Variants in CELF2 observed in about 807,000 individuals in gnomAD.
The protein encoded by CELF2 is CUGBP Elav-like family member 2, also known as CUG triplet repeat RNA-binding protein 2.
CELF2 carries 8 observed loss-of-function variants against 62.6 expected under a neutral mutation model. The ratio of observed to expected loss-of-function variants is 0.13; its 90% CI spans 0.07 to 0.23. The LOEUF (loss-of-function observed/expected upper bound fraction) is 0.23. Ranked by LOEUF, CELF2 falls within the 10% of genes least tolerant of loss-of-function variation. The pLI, the probability that CELF2 is intolerant of heterozygous loss-of-function variation, is 1.00. For missense variants in CELF2, 333 were observed against 671.0 expected (o/e 0.50, Z 5.56); for synonymous variants, 258 against 250.0 (o/e 1.03, Z -0.30).
chr10:10,524,470 T>G, the CELF2 span, among the ~76,000 whole-genome samples: 1 of 150,928 alleles, frequency 6.6e-6, no homozygotes, highest in Non-Finnish European at 1.5e-5. Context: ...TAACATAGGA[T>G]TGAGTTATGG....
the CELF2 span, among the ~76,000 whole-genome samples, chr10:10,642,514 A>C: frequency 6.6e-6 from 1 of 152,248 alleles, no homozygotes. Flanking sequence ...TGTTTATTGA[A>C]ATGCAAATGA....
intron 1 of CELF2, among the ~76,000 whole-genome samples, chr10:10,803,193 CAT>C (rs2054846871): frequency 6.6e-6 from 1 of 152,206 alleles, no homozygotes; most frequent in African/African-American, 2.4e-5. Context: ...CAATTTTGCA[CAT>C]AGAGGAATGA....
At chr10:10,600,867 C>T in the CELF2 span, among the ~76,000 whole-genome samples, 1 of 152,182 alleles carries the variant, frequency 6.6e-6, no homozygotes, top group African/African-American at 2.4e-5. Context: ...GAAATAGGCA[C>T]TATTTACTCC....
the CELF2 span, among the ~76,000 whole-genome samples, chr10:10,640,323 G>A: frequency 2.2e-3 from 331 of 152,222 alleles, 2 homozygotes; most frequent in African/African-American, 7.6e-3. Flanking sequence ...CTTCTCCTCT[G>A]CCTTTTTCAT....
chr10:11,251,691 AG>A (rs771437131), intron 4 of CELF2, among the ~76,000 whole-genome samples: 33 of 152,280 alleles, frequency 2.2e-4, no homozygotes, highest in East Asian at 1.2e-3. Flanking sequence ...CAGCTGTGAG[AG>A]GGGGCTACAG....
chr10:10,511,288 G>A, the CELF2 span, among the ~76,000 whole-genome samples: 1 of 152,082 alleles, frequency 6.6e-6, no homozygotes, highest in East Asian at 1.9e-4. Flanking sequence ...GTGGTCACCT[G>A]TAATCCCAGC....
At position 11,157,393 on chromosome 10, in the gene CELF2, C is replaced by CCG. The variant is rs2064726758; in HGVS notation, c.75-8093_75-8092insCG. Among the ~76,000 whole-genome samples, 1 of 123,528 alleles carries CCG rather than the reference C, an allele frequency of 8.1e-6. No individual in the cohort carries two copies. The highest frequency in any genetic ancestry group is 3.1e-5 in the African/African-American group (1 of 32,512). 81.0% of individuals were successfully genotyped at this position (123,528 alleles called of 152,430 possible). A position where few individuals can be genotyped will look rare whatever the true frequency, so the allele number is the denominator to read the frequency against. On this transcript the variant is annotated intron_variant, in intron 1 of 12. Coordinates refer to ENST00000633077, the MANE Select transcript of CELF2 (RefSeq NM_001326342.2). The surrounding 1 kb of genome is among the most constrained non-coding windows in gnomAD (Gnocchi z 4.9). ...TTGACTTTGATATCCGCCCTCCCCC[C>CCG]ACACACACACACACAAAAATTTCAC...
At chr10:11,148,420 C>T (rs2062672584) in intron 1 of CELF2, among the ~76,000 whole-genome samples, 1 of 152,140 alleles carries the variant, frequency 6.6e-6, no homozygotes, top group South Asian at 2.1e-4. Flanking sequence ...GCCCAATATG[C>T]TTTTTTCTCC....
Position 11,316,230 on chromosome 10 carries a change from C to A in CELF2, c.1096+1972C>A, listed in dbSNP as rs977051990. The stretch of plus-strand genomic sequence containing the variant: ...TCTTTGCCAATGGGTTAATATAAGT[C>A]TGTATAGTTCATAGAAAACGAAGAA... On this transcript the variant is annotated intron_variant, in intron 10 of 12. Transcript: ENST00000633077. This position sits in a 1 kb window ranked among gnomAD's most constrained non-coding sequence, Gnocchi z 4.4. Among the ~76,000 whole-genome samples, 13 of 152,182 alleles carry A rather than the reference C, an allele frequency of 8.5e-5. No individual in the cohort carries two copies. The highest frequency in any genetic ancestry group is 3.1e-4 in the African/African-American group (13 of 41,426).
At chr10:11,167,178 T>C (rs1011282244) in intron 2 of CELF2, among the ~76,000 whole-genome samples, 1 of 152,268 alleles carries the variant, frequency 6.6e-6, no homozygotes, top group African/African-American at 2.4e-5. Flanking sequence ...CTGATACTGG[T>C]TACCTACATG....
At chr10:10,587,838 G>T in the CELF2 span, among the ~76,000 whole-genome samples, 10 of 152,066 alleles carry the variant, frequency 6.6e-5, no homozygotes, top group Non-Finnish European at 2.9e-5. Context: ...CTTGACTACT[G>T]TGTAAAACTA....
the CELF2 span, among the ~76,000 whole-genome samples, chr10:10,479,331 G>C: frequency 5.3e-5 from 8 of 152,096 alleles, no homozygotes; most frequent in South Asian, 6.2e-4. Flanking sequence ...ACCGTGCCCG[G>C]ATAATTTTTG....
At chr10:11,228,766 A>C (rs1002919008) in intron 3 of CELF2, among the ~76,000 whole-genome samples, 1 of 150,680 alleles carries the variant, frequency 6.6e-6, no homozygotes, top group East Asian at 1.9e-4. Flanking sequence ...CCATTTTATC[A>C]TTTGAGAATC....
intron 1 of CELF2, among the ~76,000 whole-genome samples, chr10:11,071,251 G>A (rs761290678): frequency 3.9e-5 from 6 of 152,174 alleles, no homozygotes; most frequent in Admixed American, 2.6e-4. Flanking sequence ...TAGGACATGC[G>A]CTGGTTCTTG....
At chr10:10,723,675 G>A in the CELF2 span, among the ~76,000 whole-genome samples, 1 of 152,264 alleles carries the variant, frequency 6.6e-6, no homozygotes, top group East Asian at 1.9e-4. Context: ...GAGAACAAAG[G>A]ACTAAAGCAT....
chr10:11,154,212 G>C (rs1470804173), intron 1 of CELF2, among the ~76,000 whole-genome samples: 3 of 152,202 alleles, frequency 2.0e-5, no homozygotes, highest in Non-Finnish European at 2.9e-5. Context: ...CTGATGGTGT[G>C]TGTTTTAAGA....
At chr10:11,042,994 T>A (rs140034488) in intron 1 of CELF2, among the ~76,000 whole-genome samples, 539 of 152,332 alleles carry the variant, frequency 3.5e-3, no homozygotes, top group African/African-American at 0.013. Context: ...AGTACAAGTT[T>A]TTGTGTGAAA....
chr10:10,591,046 C>T, the CELF2 span, among the ~76,000 whole-genome samples: 2 of 152,116 alleles, frequency 1.3e-5, no homozygotes, highest in African/African-American at 2.4e-5. Flanking sequence ...CTGGTGTTCA[C>T]GAGAATATAA....
the CELF2 span, among the ~76,000 whole-genome samples, chr10:10,665,013 G>T: frequency 6.6e-6 from 1 of 152,170 alleles, no homozygotes; most frequent in Non-Finnish European, 1.5e-5. Flanking sequence ...TAATCATGTT[G>T]CTCTTTGAGA....
Sources: allele counts gnomAD v4.1 joint callset (sites outside exome capture counted in the v4.1 genomes callset), GRCh38; gene constraint gnomAD v4.1.1; non-coding constraint Gnocchi (gnomAD v3.1); transcripts MANE v1.5; gene names NCBI Gene and HGNC (gene_info 2026-07-23, HGNC 2026-07-21).